BICC1: variants seen among roughly 807,000 people sequenced by gnomAD.
The protein encoded by BICC1 is BicC family RNA binding protein 1.
Under a neutral mutation model 111.0 loss-of-function variants are expected in BICC1, and 43 were observed. The observed-to-expected ratio is 0.39, with a 90% CI of 0.30 to 0.50. The LOEUF is 0.50. Among genes scored for constraint, BICC1 ranks in the 20% least tolerant of loss-of-function variants. The pLI is 0.88. For missense variants in BICC1, 1,091 were observed against 1,203.2 expected (o/e 0.91, Z 1.38); for synonymous variants, 467 against 434.4 (o/e 1.07, Z -0.93).
At chr10:58,662,203 T>A (rs1297973693) in intron 2 of BICC1, among the ~76,000 whole-genome samples, 1 of 152,210 alleles carries the variant, frequency 6.6e-6, no homozygotes, top group African/African-American at 2.4e-5. Flanking sequence ...AAATGACACA[T>A]ATCTTGGACA....
chr10:58,741,729 A>G (rs1233774628), intron 3 of BICC1, among the ~76,000 whole-genome samples: 1 of 152,162 alleles, frequency 6.6e-6, no homozygotes, highest in South Asian at 2.1e-4. Flanking sequence ...GAATCCCTTT[A>G]TATTTAAACC....
intron 3 of BICC1, among the ~76,000 whole-genome samples, chr10:58,770,851 A>G (rs1842606130): frequency 6.6e-6 from 1 of 152,208 alleles, no homozygotes; most frequent in Non-Finnish European, 1.5e-5. Context: ...GAGATTATGT[A>G]GACCTGTTGG....
chr10:58,714,621 T>C (rs761579229), intron 3 of BICC1, among the ~76,000 whole-genome samples: 3 of 152,126 alleles, frequency 2.0e-5, no homozygotes, highest in African/African-American at 4.8e-5. Context: ...TCCTAAGGTT[T>C]CTGACAGTTT....
chr10:58,637,717 G>T (rs1370951325), intron 2 of BICC1, among the ~76,000 whole-genome samples: 1 of 152,192 alleles, frequency 6.6e-6, no homozygotes, highest in African/African-American at 2.4e-5. Flanking sequence ...TTGAATGCAG[G>T]GCACTGTGTT....
chr10:58,578,561 T>C (rs897330326), intron 1 of BICC1, among the ~76,000 whole-genome samples: 1 of 152,176 alleles, frequency 6.6e-6, no homozygotes, highest in Non-Finnish European at 1.5e-5. Context: ...ATTCCTGCCT[T>C]AGTAAGCACA....
intron 1 of BICC1, among the ~76,000 whole-genome samples, chr10:58,518,038 GTAA>G (rs1842288889): frequency 6.6e-6 from 1 of 152,130 alleles, no homozygotes; most frequent in Non-Finnish European, 1.5e-5. Flanking sequence ...GAGTATACTT[GTAA>G]AGGTGGGTGG....
chr10:58,707,783 C>T (rs961377980), intron 3 of BICC1, among the ~76,000 whole-genome samples: 6 of 152,110 alleles, frequency 3.9e-5, no homozygotes, highest in Non-Finnish European at 7.4e-5. Context: ...CCGCAACCTC[C>T]ACCTCCTGGG....
In BICC1 at chr10:58,528,143, C is replaced by T. The variant is rs184134846; in HGVS notation, c.190+14810C>T. Reference sequence around the variant, plus strand: ...AAAAAGTTTGTTCATTTTGGGCTAGCGGACCTGGCATTGACCTCATGGAAT... The same window carrying T: ...AAAAAGTTTGTTCATTTTGGGCTAGTGGACCTGGCATTGACCTCATGGAAT... On this transcript the variant is annotated intron_variant, in intron 1 of 20. Transcript: ENST00000373886. Among the ~76,000 whole-genome samples, 166 of 151,918 alleles carry T rather than the reference C, an allele frequency of 1.1e-3. 2 individuals carry two copies. The highest frequency in any genetic ancestry group is 0.011 in the East Asian group (55 of 5,142).
At position 58,800,931 on chromosome 10, in the gene BICC1, C is replaced by G; in HGVS notation, c.1900C>G (p.Pro634Ala). 1.2e-6 allele frequency: 2 copies of G among 1,609,702 alleles called. No individual in the cohort carries two copies. The highest frequency in any genetic ancestry group is 1.7e-6 in the Non-Finnish European group (2 of 1,178,008). The change falls in exon 14 of 21, where the codon CCT (proline) becomes GCT (alanine). Residue 634 changes from proline (P) to alanine (A), a missense_variant. By Grantham distance (27) the Pro-to-Ala change is conservative. Coordinates refer to ENST00000373886, the MANE Select transcript of BICC1 (RefSeq NM_001080512.3). ...TGTTGAAGTAGGCATGCCTCGAAGT[C>G]CTTCCCATTCTGGGAATGCTGGTGA... The part of the protein sequence containing the change: ...AFVEVGMPRS[P>A]SHSGNAGDLK...
At chr10:58,758,017 G>A (rs1842193116) in intron 3 of BICC1, among the ~76,000 whole-genome samples, 2 of 152,116 alleles carry the variant, frequency 1.3e-5, no homozygotes, top group Admixed American at 1.3e-4. Flanking sequence ...TTCTGCATAA[G>A]ACATAACATA....
chr10:58,714,387 G>C (rs1840671152), intron 3 of BICC1, among the ~76,000 whole-genome samples: 1 of 152,184 alleles, frequency 6.6e-6, no homozygotes, highest in South Asian at 2.1e-4. Context: ...AAACATAGTA[G>C]GGTGATAGGT....
chr10:58,590,435 A>G (rs1171511516), intron 1 of BICC1, among the ~76,000 whole-genome samples: 1 of 152,184 alleles, frequency 6.6e-6, no homozygotes, highest in Non-Finnish European at 1.5e-5. Flanking sequence ...ATTAAAAACA[A>G]ATCTCTCCCC....
chr10:58,825,383 G>A (rs989905695), intron 20 of BICC1, among the ~76,000 whole-genome samples: 2 of 151,974 alleles, frequency 1.3e-5, no homozygotes, highest in Non-Finnish European at 2.9e-5. Flanking sequence ...TGCATAGCCT[G>A]GGAATATTGA....
At chr10:58,747,055 C>T (rs527791926) in intron 3 of BICC1, among the ~76,000 whole-genome samples, 24 of 152,208 alleles carry the variant, frequency 1.6e-4, no homozygotes, top group Admixed American at 3.3e-4. Flanking sequence ...CTGAGGTTCA[C>T]GGGACCACAC....
chr10:58,675,837 C>T (rs1303539078), intron 2 of BICC1, among the ~76,000 whole-genome samples: 1 of 152,190 alleles, frequency 6.6e-6, no homozygotes, highest in Non-Finnish European at 1.5e-5. Flanking sequence ...ATGAGGGATT[C>T]CTGGGCAAGA....
intron 8 of BICC1, among the ~76,000 whole-genome samples, chr10:58,793,001 C>T (rs1564616625): frequency 6.6e-6 from 1 of 152,116 alleles, no homozygotes; most frequent in African/African-American, 2.4e-5. Flanking sequence ...AAGGGGAAGA[C>T]ATACAGATAT....
chr10:58,800,735 CTTG>C (rs1367565206), intron 13 of BICC1, among the ~76,000 whole-genome samples, 152 bp from the exon 14 acceptor site: 1 of 152,116 alleles, frequency 6.6e-6, no homozygotes. Context: ...ACAACCTGAA[CTTG>C]TTAAGGTGTT....
chr10:58,675,491 A>G (rs1180414579), intron 2 of BICC1, among the ~76,000 whole-genome samples: 1 of 152,216 alleles, frequency 6.6e-6, no homozygotes, highest in Non-Finnish European at 1.5e-5. Flanking sequence ...CCTCTAGGAC[A>G]TTATGCTAAG....
At chr10:58,599,824 G>A (rs547864537) in intron 1 of BICC1, among the ~76,000 whole-genome samples, 1 of 152,110 alleles carries the variant, frequency 6.6e-6, no homozygotes, top group Admixed American at 6.6e-5. Context: ...GGAGGGTGAT[G>A]TAAGAGAGAG....
Sources: gnomAD v4.1 joint callset for allele counts (sites outside exome capture counted in the v4.1 genomes callset) on GRCh38, gnomAD v4.1.1 for gene constraint, MANE v1.5 for transcripts, NCBI Gene and HGNC (gene_info 2026-07-23, HGNC 2026-07-21) for gene names.